The following SFXN1 variants were observed in gnomAD, a reference collection of about 807,000 sequenced individuals.
SFXN1 encodes the protein sideroflexin-1.
In SFXN1, 32 loss-of-function variants were observed where a neutral mutation model predicts 39.5. That is an observed-to-expected ratio of 0.81 (90% confidence interval 0.61 to 1.09). The LOEUF (loss-of-function observed/expected upper bound fraction) is 1.09, where lower values mean the gene tolerates loss of function less well. Among genes scored for constraint, SFXN1 ranks in the 50% least tolerant of loss-of-function variants. The probability of loss-of-function intolerance (pLI) is 0.00; values close to 1 mark genes in which losing one functional copy is unlikely to be tolerated. For missense variants in SFXN1, 402 were observed against 407.1 expected (o/e 0.99, Z 0.11); for synonymous variants, 136 against 146.5 (o/e 0.93, Z 0.52).
chr5:175,479,646 C>G (rs1390676560), intron 1 of SFXN1, among the ~76,000 whole-genome samples: 1 of 152,124 alleles, frequency 6.6e-6, no homozygotes, highest in African/African-American at 2.4e-5. Context: ...CCTATCTATC[C>G]CCTGCGCATA....
chr5:175,507,701 G>A (rs1458287970), intron 2 of SFXN1, among the ~76,000 whole-genome samples: 3 of 152,180 alleles, frequency 2.0e-5, no homozygotes, highest in Non-Finnish European at 4.4e-5. Context: ...GGCTGGGCAT[G>A]GTGGCCCACG....
chr5:175,499,986 C>G (rs1028469733), intron 2 of SFXN1, among the ~76,000 whole-genome samples: 23 of 152,158 alleles, frequency 1.5e-4, no homozygotes, highest in Non-Finnish European at 5.9e-5. Flanking sequence ...GTCAGAAGTT[C>G]AAGACCAGCC....
intron 1 of SFXN1, among the ~76,000 whole-genome samples, chr5:175,488,865 G>A (rs1384236299): frequency 1.3e-5 from 2 of 152,040 alleles, no homozygotes; most frequent in African/African-American, 4.8e-5. Flanking sequence ...CCTGTTCTGG[G>A]GTATTTTTGT....
At chr5:175,497,734 G>T (rs539961522) in intron 2 of SFXN1, among the ~76,000 whole-genome samples, 22 of 152,178 alleles carry the variant, frequency 1.4e-4, no homozygotes, top group African/African-American at 5.1e-4. Context: ...TTCGAGAGCA[G>T]CCTGGCCAAC....
chr5:175,510,042 C>A, intron 3 of SFXN1, 67 bp from the exon 4 acceptor site: 2 of 1,329,244 alleles, frequency 1.5e-6, no homozygotes, highest in Non-Finnish European at 2.1e-6. Flanking sequence ...CTGGTGTTCA[C>A]GTTTTCTGTT....
intron 1 of SFXN1, among the ~76,000 whole-genome samples, chr5:175,486,962 G>C (rs906332467): frequency 2.0e-5 from 3 of 152,206 alleles, no homozygotes; most frequent in African/African-American, 7.2e-5. Flanking sequence ...AGGAAAAATA[G>C]TGATAGTGAG....
chr5:175,512,150 G>A lies in SFXN1; in HGVS notation c.550G>A (p.Ala184Thr). Reference protein sequence around the residue: ...PLIGRFVPFAAVAAANCINIP... With the variant: ...PLIGRFVPFATVAAANCINIP... ...GATAGGACGTTTTGTTCCCTTTGCT[G>A]CCGTAGCTGCTGCTAATTGCATTAA... The change falls in exon 6 of 11, where the codon GCC becomes ACC. Residue 184 changes from alanine to threonine, a missense_variant. Coordinates refer to ENST00000321442, the MANE Select transcript of SFXN1 (RefSeq NM_022754.7). The A allele has an allele frequency of 6.2e-7, 1 of 1,614,198 alleles. No homozygotes were observed. The highest frequency in any genetic ancestry group is 8.5e-7 in the Non-Finnish European group (1 of 1,180,042).
chr5:175,496,185 AC>A (rs1029700514), intron 2 of SFXN1, among the ~76,000 whole-genome samples: 1 of 152,078 alleles, frequency 6.6e-6, no homozygotes, highest in Non-Finnish European at 1.5e-5. Flanking sequence ...GGCGTGAGCC[AC>A]CACTCCCGGC....
chr5:175,496,134 G>T (rs1417090376), intron 2 of SFXN1, among the ~76,000 whole-genome samples: 1 of 152,070 alleles, frequency 6.6e-6, no homozygotes, highest in Non-Finnish European at 1.5e-5. Context: ...CTGACCTCAA[G>T]TGATCCGCCC....
intron 6 of SFXN1, 63 bp from the exon 7 acceptor site, chr5:175,513,400 T>TTA: frequency 6.4e-7 from 1 of 1,563,314 alleles, no homozygotes; most frequent in Non-Finnish European, 8.7e-7. Context: ...CCCAACATAG[T>TTA]ACTATTTCAG....
At chr5:175,519,907 G>A (rs1490076480) in intron 8 of SFXN1, among the ~76,000 whole-genome samples, 1 of 112,964 alleles carries the variant, frequency 8.9e-6, no homozygotes, top group Non-Finnish European at 1.6e-5. Flanking sequence ...GTCTTGCTCT[G>A]TCACCAGGCT....
intron 1 of SFXN1, 147 bp downstream of exon 1, chr5:175,478,786 GCGGGCCGGGGATGCCT>G (rs1382898924): frequency 2.0e-5 from 3 of 151,636 alleles, no homozygotes; most frequent in African/African-American, 7.3e-5. Flanking sequence ...AAGCCCCTTT[GCGGGCCGGGGATGCCT>G]CGGGCCGGGG....
chr5:175,507,658 C>T (rs2644675), intron 2 of SFXN1, among the ~76,000 whole-genome samples: 37,763 of 152,052 alleles, frequency 0.25, 6,467 homozygotes, highest in African/African-American at 0.48. Context: ...AAGAATGAGG[C>T]ACCTAATTTT....
At chr5:175,513,988 C>T (rs1035915018) in intron 7 of SFXN1, among the ~76,000 whole-genome samples, 3 of 151,948 alleles carry the variant, frequency 2.0e-5, no homozygotes, top group African/African-American at 4.8e-5. Flanking sequence ...AGGCCACAGA[C>T]GGCAGAGCGT....
intron 6 of SFXN1, among the ~76,000 whole-genome samples, chr5:175,512,563 CT>C (rs201234578): frequency 1.1e-4 from 17 of 151,892 alleles, no homozygotes; most frequent in Non-Finnish European, 2.5e-4. Context: ...AAATAGATTC[CT>C]TTTTTTTCTC....
Position 175,522,431 on chromosome 5 carries a change from TTG to T in SFXN1, c.872+11_872+12del. On this transcript the variant is annotated intron_variant, in intron 10 of 10. Coordinates refer to ENST00000321442, the MANE Select transcript of SFXN1 (RefSeq NM_022754.7). ...CTGTTTCCTCAGAAAAGGTATGTAT[TTG>T]TTATTCGTCAGAATCATCATGAGTA... 1 of 1,611,400 alleles carries T rather than the reference TTG, an allele frequency of 6.2e-7. No homozygotes were observed. The highest frequency in any genetic ancestry group is 8.5e-7 in the Non-Finnish European group (1 of 1,179,350).
chr5:175,518,360 G>A (rs182364775), intron 8 of SFXN1, among the ~76,000 whole-genome samples: 2 of 151,866 alleles, frequency 1.3e-5, no homozygotes, highest in African/African-American at 2.4e-5. Flanking sequence ...GAATGGGAAT[G>A]TAACATTTAT....
intron 1 of SFXN1, among the ~76,000 whole-genome samples, chr5:175,487,650 G>A (rs770024300): frequency 4.6e-5 from 7 of 151,894 alleles, no homozygotes; most frequent in African/African-American, 1.5e-4. Context: ...TCATCACATC[G>A]CATGACTTTA....
At chr5:175,504,490 G>A (rs892682224) in intron 2 of SFXN1, among the ~76,000 whole-genome samples, 1 of 151,112 alleles carries the variant, frequency 6.6e-6, no homozygotes. Flanking sequence ...CAGGAGAATC[G>A]CTTGAACCTG....
Sources: allele counts gnomAD v4.1 joint callset (sites outside exome capture counted in the v4.1 genomes callset), GRCh38; gene constraint gnomAD v4.1.1; transcripts MANE v1.5; gene names NCBI Gene and HGNC (gene_info 2026-07-23, HGNC 2026-07-21).